ANO2: variants seen among roughly 807,000 people sequenced by gnomAD.
ANO2 encodes anoctamin-2.
A neutral mutation model predicts 124.2 loss-of-function variants in ANO2; 101 were observed. That is an observed-to-expected ratio of 0.81 (90% CI 0.69 to 0.96). The LOEUF is 0.96. Among genes scored for constraint, ANO2 ranks in the 40% least tolerant of loss-of-function variants. The pLI, the probability that ANO2 is intolerant of heterozygous loss-of-function variation, is 0.00. For synonymous variants in ANO2, 486 were observed against 482.5 expected, an observed-to-expected ratio of 1.01 and a Z score of -0.09; for missense variants, 1,293 against 1,274.5, an observed-to-expected ratio of 1.01 and a Z score of -0.22.
chr12:5,575,521 C>T (rs1942345946), intron 23 of ANO2, among the ~76,000 whole-genome samples: 1 of 152,082 alleles, frequency 6.6e-6, no homozygotes, highest in Non-Finnish European at 1.5e-5. Flanking sequence ...TGCTATATAG[C>T]CTACGTCACA....
chr12:5,608,749 C>T (rs1405405028), intron 19 of ANO2: 1 of 152,196 alleles, frequency 6.6e-6, no homozygotes, highest in Non-Finnish European at 1.5e-5. Flanking sequence ...AAGGCATACG[C>T]CATGTGCTAT....
chr12:5,889,632 C>A (rs1939244734), intron 3 of ANO2, among the ~76,000 whole-genome samples: 1 of 152,260 alleles, frequency 6.6e-6, no homozygotes, highest in African/African-American at 2.4e-5. Context: ...GGAGCCAGGA[C>A]TGGGTTTCCT....
rs112449866 is a variant in ANO2, at chr12:5,913,792, G to C, written c.534+7248C>G. Among the ~76,000 whole-genome samples the C allele has an allele frequency of 5.5e-3, 843 of 152,304 alleles. 13 individuals carry two copies. The highest frequency in any genetic ancestry group is 0.019 in the African/African-American group (806 of 41,556). ...ACCACACGTGATGAGGCTCACAAAA[G>C]GCACTCAGAAAAGTCCGTTTTCTTC... On this transcript the variant is annotated intron_variant, in intron 3 of 24. Coordinates refer to ENST00000682330, the MANE Select transcript of ANO2 (RefSeq NM_001364791.2).
intron 14 of ANO2, among the ~76,000 whole-genome samples, chr12:5,677,978 T>C (rs1948327926): frequency 6.6e-6 from 1 of 152,010 alleles, no homozygotes; most frequent in Non-Finnish European, 1.5e-5. Flanking sequence ...TTGGACAAGA[T>C]AAGCAGGAGG....
In ANO2 at chr12:5,843,478, C is replaced by T. The variant is rs557932103; in HGVS notation, c.633+10565G>A. 1.4e-4 allele frequency among the ~76,000 whole-genome samples: 21 copies of T among 151,766 alleles called. 1 individual carries two copies. The highest frequency in any genetic ancestry group is 5.9e-4 in the Admixed American group (9 of 15,224). ...GGTATGAGAATTGCTTGAACCTGAGCGACAGAGTTTGCAGTGAGCCGAGAT... is the reference window on the plus strand; with the variant it reads ...GGTATGAGAATTGCTTGAACCTGAGTGACAGAGTTTGCAGTGAGCCGAGAT... On this transcript the variant is annotated intron_variant, in intron 4 of 24. Coordinates refer to ENST00000682330, the MANE Select transcript of ANO2 (RefSeq NM_001364791.2).
At chr12:5,884,866 T>C (rs1255859519) in intron 3 of ANO2, among the ~76,000 whole-genome samples, 1 of 152,114 alleles carries the variant, frequency 6.6e-6, no homozygotes, top group Non-Finnish European at 1.5e-5. Context: ...GGACTTCTAA[T>C]GGAGAGCAGA....
At chr12:5,760,575 T>TA (rs1452360619) in intron 10 of ANO2, among the ~76,000 whole-genome samples, 1 of 152,222 alleles carries the variant, frequency 6.6e-6, no homozygotes, top group African/African-American at 2.4e-5. Context: ...GGGGTTTCCT[T>TA]AAAAAAGATG....
At chr12:5,923,141 CAT>C (rs879152826) in intron 1 of ANO2, among the ~76,000 whole-genome samples, 6,356 of 104,738 alleles carry the variant, frequency 0.061, 2,060 homozygotes, top group Middle Eastern at 0.098. Context: ...CATACACACA[CAT>C]GCACACATAC....
intron 14 of ANO2, among the ~76,000 whole-genome samples, chr12:5,682,112 A>C (rs1275691568): frequency 6.6e-6 from 1 of 152,202 alleles, no homozygotes; most frequent in African/African-American, 2.4e-5. Context: ...TGGCTCTTGA[A>C]TTCTTTATCC....
At chr12:5,882,860 C>T (rs1938597898) in intron 3 of ANO2, among the ~76,000 whole-genome samples, 1 of 152,140 alleles carries the variant, frequency 6.6e-6, no homozygotes, top group Non-Finnish European at 1.5e-5. Context: ...CTTGGGGGTC[C>T]TCAGAGCCAC....
intron 3 of ANO2, among the ~76,000 whole-genome samples, chr12:5,911,056 A>T (rs985598682): frequency 6.6e-6 from 1 of 152,160 alleles, no homozygotes; most frequent in African/African-American, 2.4e-5. Context: ...AGACCTTCAC[A>T]ACAGAGTTAA....
rs151306305 is a variant in ANO2, at chr12:5,871,372, A to C, written c.535-17231T>G. On this transcript the variant is annotated intron_variant, in intron 3 of 24. Transcript: ENST00000682330. Reference sequence around the variant, plus strand: ...TCCCAAGCACTTGGACACCTCACACAGTGTCCAAGTGTCCACATGACATTC... The same window carrying C: ...TCCCAAGCACTTGGACACCTCACACCGTGTCCAAGTGTCCACATGACATTC... Among the ~76,000 whole-genome samples the C allele has an allele frequency of 2.7e-3, 407 of 152,298 alleles. 1 individual carries two copies. Among genetic ancestry groups the C allele is most frequent in the African/African-American group, 9.6e-3 (398 of 41,558 alleles).
intron 3 of ANO2, among the ~76,000 whole-genome samples, chr12:5,897,768 TG>T (rs1366134638): frequency 6.6e-6 from 1 of 150,694 alleles, no homozygotes; most frequent in Non-Finnish European, 1.5e-5. Context: ...CTATGTGGAC[TG>T]TGGACTTAAA....
At chr12:5,563,622 G>T in intron 24 of ANO2, 54 bp from the exon 25 acceptor site, 1 of 1,599,390 alleles carries the variant, frequency 6.3e-7, no homozygotes, top group Non-Finnish European at 8.5e-7. Context: ...GCCTGGGGAG[G>T]TGGCGGCCCT....
In ANO2 at chr12:5,777,388, T is replaced by C. The variant is rs555390820; in HGVS notation, c.1055+22119A>G. The stretch of plus-strand genomic sequence containing the variant: ...GATACAGAGAAAGAGACAAGGTCAT[T>C]GGGAGCAAAGGCTGCAAAAAATCAG... On this transcript the variant is annotated intron_variant, in intron 10 of 24. Coordinates refer to ENST00000682330, the MANE Select transcript of ANO2 (RefSeq NM_001364791.2). 8.6e-5 allele frequency among the ~76,000 whole-genome samples: 13 copies of C among 151,676 alleles called. No homozygotes were observed. The South Asian group carries it at 2.7e-3, about 32-fold the overall frequency.
At chr12:5,917,102 A>G (rs1325510588) in intron 3 of ANO2, among the ~76,000 whole-genome samples, 4 of 152,126 alleles carry the variant, frequency 2.6e-5, no homozygotes, top group Non-Finnish European at 5.9e-5. Context: ...GGGTGGTTAT[A>G]CAACAGGAAC....
intron 14 of ANO2, among the ~76,000 whole-genome samples, chr12:5,709,165 G>A (rs369903889): frequency 2.0e-5 from 3 of 152,226 alleles, no homozygotes; most frequent in Non-Finnish European, 1.5e-5. Context: ...CCGAGTACAC[G>A]ATCAACTAAA....
chr12:5,592,085 G>A (rs914942519), intron 20 of ANO2, among the ~76,000 whole-genome samples: 1 of 152,312 alleles, frequency 6.6e-6, no homozygotes, highest in East Asian at 1.9e-4. Context: ...TAAAATTATT[G>A]CACATTAAAA....
chr12:5,944,304 G>A (rs991239548), intron 1 of ANO2, among the ~76,000 whole-genome samples: 3 of 152,172 alleles, frequency 2.0e-5, no homozygotes, highest in Admixed American at 6.5e-5. Flanking sequence ...ACCTGCCTTT[G>A]GGCTGAGACC....
Sources: gnomAD v4.1 joint callset for allele counts (sites outside exome capture counted in the v4.1 genomes callset) on GRCh38, gnomAD v4.1.1 for gene constraint, MANE v1.5 for transcripts, NCBI Gene and HGNC (gene_info 2026-07-23, HGNC 2026-07-21) for gene names.